STON1: variants seen among roughly 807,000 people sequenced by gnomAD.
STON1 encodes the protein stonin-1.
Under a neutral mutation model 60.9 loss-of-function variants are expected in STON1, and 79 were observed. The ratio of observed to expected loss-of-function variants is 1.30; its 90% CI spans 1.08 to 1.56. The LOEUF (loss-of-function observed/expected upper bound fraction) is 1.56, where lower values mean the gene tolerates loss of function less well. Ranked by LOEUF, STON1 falls within the 40% of genes most tolerant of loss-of-function variation. The pLI, the probability that STON1 is intolerant of heterozygous loss-of-function variation, is 0.00. For missense variants in STON1, 1,166 were observed against 858.9 expected (o/e 1.36, Z -4.47); for synonymous variants, 363 against 306.9 (o/e 1.18, Z -1.91).
intron 1 of STON1, among the ~76,000 whole-genome samples, chr2:48,535,565 C>T (rs1300663780): frequency 6.6e-6 from 1 of 152,132 alleles, no homozygotes; most frequent in African/African-American, 2.4e-5. Flanking sequence ...AGGCTTTCAG[C>T]TGGGCGCAGT....
chr2:48,576,048 G>A (rs542970355), intron 1 of STON1, among the ~76,000 whole-genome samples: 21 of 151,848 alleles, frequency 1.4e-4, no homozygotes, highest in African/African-American at 4.8e-4. Flanking sequence ...GTGAGCCACC[G>A]CACCTGGCCC....
At position 48,595,287 on chromosome 2, in the gene STON1, C is replaced by CTGCA; in HGVS notation, c.2195_2198dup (p.Ile733MetfsTer39). 2 of 1,613,706 alleles carry CTGCA rather than the reference C, an allele frequency of 1.2e-6. No homozygotes were observed. Among genetic ancestry groups the CTGCA allele is most frequent in the South Asian group, 1.1e-5 (1 of 91,064 alleles). ...GAGAAGACCCAGATAAAATTGGTGA[C>CTGCA]TGCATAACTCAGTAGGAGTAGCAAG... On this transcript the variant is annotated frameshift_variant, in exon 4 of 4. Transcript: ENST00000404752. LOFTEE classifies it high-confidence loss of function.
chr2:48,585,987 C>A (rs1232921504), intron 2 of STON1, among the ~76,000 whole-genome samples: 2 of 152,242 alleles, frequency 1.3e-5, no homozygotes, highest in Non-Finnish European at 2.9e-5. Context: ...GTGAGAGGGA[C>A]AAGAGCACAG....
chr2:48,593,901 G>A (rs1387117971), intron 3 of STON1, among the ~76,000 whole-genome samples: 1 of 152,152 alleles, frequency 6.6e-6, no homozygotes, highest in African/African-American at 2.4e-5. Context: ...CCTGAAGGAT[G>A]TATTTCCCCA....
At chr2:48,573,859 T>C (rs1331569207) in intron 1 of STON1, among the ~76,000 whole-genome samples, 27 of 152,178 alleles carry the variant, frequency 1.8e-4, no homozygotes, top group Admixed American at 1.8e-3. Flanking sequence ...AAGGAAGCAG[T>C]GATATGTGCT....
In STON1 at chr2:48,545,536, T is replaced by C. The variant is rs1280707242; in HGVS notation, c.-48+15320T>C. ...TTCCATGATTCTTTCGAGGGCTGCCTCAGTCACTCTCTGCCTTTGGAGACG... is the reference window on the plus strand; with the variant it reads ...TTCCATGATTCTTTCGAGGGCTGCCCCAGTCACTCTCTGCCTTTGGAGACG... On this transcript the variant is annotated intron_variant, in intron 1 of 3. Coordinates refer to ENST00000404752, the MANE Select transcript of STON1 (RefSeq NM_006873.4). Among the ~76,000 whole-genome samples the C allele has an allele frequency of 1.3e-5, 2 of 152,230 alleles. 1 individual carries two copies.
At chr2:48,577,512 C>T (rs1271855716) in intron 1 of STON1, among the ~76,000 whole-genome samples, 2 of 149,578 alleles carry the variant, frequency 1.3e-5, no homozygotes, top group African/African-American at 4.9e-5. Flanking sequence ...ACCAGGGAGG[C>T]GGATGTTGCA....
chr2:48,550,197 T>C (rs1358029052), intron 1 of STON1, among the ~76,000 whole-genome samples: 1 of 152,132 alleles, frequency 6.6e-6, no homozygotes, highest in African/African-American at 2.4e-5. Context: ...AATATAAATA[T>C]ATCTTAAGCA....
chr2:48,580,588 G>T lies in STON1; in HGVS notation c.-46G>T, dbSNP rs757117999. The T allele has an allele frequency of 7.6e-7, 1 of 1,320,144 alleles. No homozygotes were observed. Among genetic ancestry groups the T allele is most frequent in the Non-Finnish European group, 9.7e-7 (1 of 1,026,338 alleles). The allele number at this position is 1,320,144 out of a possible 1,614,324, so 81.8% of individuals were successfully genotyped here. Reference sequence around the variant, plus strand: ...CTCTTTATTTTATTTTTTTAACAGAGTCAACCTATTTGATTTCTTGACAAG... The same window carrying T: ...CTCTTTATTTTATTTTTTTAACAGATTCAACCTATTTGATTTCTTGACAAG... On this transcript the variant is annotated splice_region_variant and 5_prime_UTR_variant, in exon 2 of 4. Transcript: ENST00000404752.
intron 1 of STON1, among the ~76,000 whole-genome samples, chr2:48,542,643 G>C (rs145849367): frequency 1.3e-5 from 2 of 152,300 alleles, no homozygotes; most frequent in East Asian, 3.9e-4. Flanking sequence ...GGTGGCTCAA[G>C]CCTATAATTC....
chr2:48,541,412 A>G (rs181160678), intron 1 of STON1, among the ~76,000 whole-genome samples: 2 of 150,794 alleles, frequency 1.3e-5, no homozygotes, highest in South Asian at 2.1e-4. Flanking sequence ...GGCCGGGTGC[A>G]GTGGCTCACA....
At chr2:48,558,491 A>G (rs1030231240) in intron 1 of STON1, among the ~76,000 whole-genome samples, 2 of 152,224 alleles carry the variant, frequency 1.3e-5, no homozygotes, top group Non-Finnish European at 2.9e-5. Flanking sequence ...CACACACAAT[A>G]CTGCTAATCT....
In STON1 at chr2:48,597,579, A is replaced by C. The variant is rs927616564; in HGVS notation, c.*2277A>C. The C allele has an allele frequency of 1.3e-5, 2 of 152,504 alleles. No homozygotes were observed. Among genetic ancestry groups the C allele is most frequent in the African/African-American group, 2.4e-5 (1 of 41,458 alleles). 9.4% of individuals were successfully genotyped at this position (152,504 alleles called of 1,614,324 possible). Reference sequence around the variant, plus strand: ...CTCCCTGCCCAGGTTATTCACTCACAAGCCACCGGGCCTTCAGGACATCTC... The same window carrying C: ...CTCCCTGCCCAGGTTATTCACTCACCAGCCACCGGGCCTTCAGGACATCTC... On this transcript the variant is annotated 3_prime_UTR_variant, in exon 4 of 4. Coordinates refer to ENST00000404752, the MANE Select transcript of STON1 (RefSeq NM_006873.4).
intron 1 of STON1, among the ~76,000 whole-genome samples, chr2:48,572,531 T>A (rs1673269928): frequency 6.6e-6 from 1 of 152,128 alleles, no homozygotes; most frequent in Non-Finnish European, 1.5e-5. Context: ...ATGGGCTTGA[T>A]TTCTTTTCTC....
chr2:48,581,402 GA>G lies in STON1; in HGVS notation c.773del (p.Asn258MetfsTer23). The part of the protein sequence containing the change: ...SLSMHCLCAE[E>X]NASSFVPHTL... ...GTCTATGCACTGTCTATGTGCTGAA[GA>G]AAATGCCTCTTCCTTTGTCCCCCAC... On this transcript the variant is annotated frameshift_variant, in exon 2 of 4. Coordinates refer to ENST00000404752, the MANE Select transcript of STON1 (RefSeq NM_006873.4). LOFTEE classifies it high-confidence loss of function. 6.2e-7 allele frequency: 1 copy of G among 1,609,640 alleles called. No individual in the cohort carries two copies. Among genetic ancestry groups the G allele is most frequent in the Non-Finnish European group, 8.5e-7 (1 of 1,177,322 alleles).
chr2:48,572,684 G>A (rs974477125), intron 1 of STON1, among the ~76,000 whole-genome samples: 25 of 152,106 alleles, frequency 1.6e-4, no homozygotes, highest in African/African-American at 4.8e-4. Flanking sequence ...AGTCTGAAAC[G>A]GAATTATTTC....
At chr2:48,566,932 A>G (rs1309460482) in intron 1 of STON1, among the ~76,000 whole-genome samples, 1 of 152,128 alleles carries the variant, frequency 6.6e-6, no homozygotes, top group Non-Finnish European at 1.5e-5. Flanking sequence ...GCAGACTCTG[A>G]GCCTGGCTAG....
intron 1 of STON1, among the ~76,000 whole-genome samples, chr2:48,576,235 C>T (rs923517076): frequency 8.2e-6 from 1 of 122,038 alleles, no homozygotes; most frequent in African/African-American, 3.2e-5. Flanking sequence ...CTGTGTTGCC[C>T]AGGCTGGAGT....
chr2:48,577,559 C>T (rs983226001), intron 1 of STON1, among the ~76,000 whole-genome samples: 11 of 148,968 alleles, frequency 7.4e-5, no homozygotes, highest in African/African-American at 2.5e-4. Context: ...CCAGCCTGAG[C>T]GACAGAGCGA....
Sources: allele counts gnomAD v4.1 joint callset (sites outside exome capture counted in the v4.1 genomes callset), GRCh38; gene constraint gnomAD v4.1.1; transcripts MANE v1.5; gene names NCBI Gene and HGNC (gene_info 2026-07-23, HGNC 2026-07-21).